Variants in ULK4 observed in about 807,000 individuals in gnomAD.
ULK4 encodes unc-51 like kinase 4, also known as inactive serine/threonine-protein kinase ULK4.
In ULK4, 133 loss-of-function variants were observed where a neutral mutation model predicts 160.6. The ratio of observed to expected loss-of-function variants is 0.83; its 90% CI spans 0.72 to 0.96. The LOEUF is 0.96. Ranked by LOEUF, ULK4 falls within the 40% of genes least tolerant of loss-of-function variation. ULK4 has a pLI of 0.00. For missense variants in ULK4, 1,580 were observed against 1,499.5 expected (o/e 1.05, Z -0.89); for synonymous variants, 534 against 539.8 (o/e 0.99, Z 0.15).
chr3:41,380,389 T>G (rs1038125836), intron 35 of ULK4, among the ~76,000 whole-genome samples: 13 of 152,154 alleles, frequency 8.5e-5, no homozygotes, highest in African/African-American at 3.1e-4. Context: ...CAAGAAAGTT[T>G]AGAATCACTG....
intron 35 of ULK4, among the ~76,000 whole-genome samples, chr3:41,376,129 A>G (rs2081487028): frequency 6.7e-6 from 1 of 150,358 alleles, no homozygotes; most frequent in African/African-American, 2.5e-5. Flanking sequence ...AAAGTCAGAA[A>G]ACAACAGATG....
At chr3:41,650,293 G>A (rs562560684) in intron 30 of ULK4, among the ~76,000 whole-genome samples, 1 of 152,262 alleles carries the variant, frequency 6.6e-6, no homozygotes, top group East Asian at 1.9e-4. Context: ...CACAAACAGG[G>A]CTGAAACACA....
chr3:41,439,865 T>C (rs1009810095), intron 34 of ULK4, among the ~76,000 whole-genome samples: 5 of 152,202 alleles, frequency 3.3e-5, no homozygotes, highest in Admixed American at 2.6e-4. Flanking sequence ...GAACCAGGTA[T>C]ATCTCTCCAC....
chr3:41,385,555 T>C (rs997461842), intron 35 of ULK4, among the ~76,000 whole-genome samples: 4 of 151,962 alleles, frequency 2.6e-5, no homozygotes, highest in African/African-American at 7.3e-5. Flanking sequence ...AAAAATCATA[T>C]CACAACTTGG....
chr3:41,836,044 G>A, intron 17 of ULK4, 73 bp from the exon 18 acceptor site: 1 of 1,029,248 alleles, frequency 9.7e-7, no homozygotes, highest in African/African-American at 1.7e-5. Context: ...TATGTAAAAA[G>A]CAGGATACCC....
At chr3:41,719,413 A>G (rs978694176) in intron 22 of ULK4, among the ~76,000 whole-genome samples, 1 of 152,210 alleles carries the variant, frequency 6.6e-6, no homozygotes, top group Non-Finnish European at 1.5e-5. Context: ...TTGACTTGAC[A>G]TCTGATTTTA....
intron 35 of ULK4, among the ~76,000 whole-genome samples, chr3:41,374,294 AGCATC>A (rs2081432114): frequency 6.6e-6 from 1 of 152,206 alleles, no homozygotes; most frequent in Non-Finnish European, 1.5e-5. Context: ...TTATAAGGCC[AGCATC>A]ATCCTGATAC....
At position 41,929,980 on chromosome 3, in the gene ULK4, A is replaced by T. The variant is rs528916475; in HGVS notation, c.541+1864T>A. On this transcript the variant is annotated intron_variant, in intron 5 of 36. Coordinates refer to ENST00000301831, the MANE Select transcript of ULK4 (RefSeq NM_017886.4). ...ATTGACTTTCTTCACAGAATTGGAA[A>T]AAACTACTTTAAATTTCATATGGAA... Among the ~76,000 whole-genome samples the T allele has an allele frequency of 3.3e-5, 5 of 152,338 alleles. No individual in the cohort carries two copies. The South Asian group carries it at 1.0e-3, about 32-fold the overall frequency.
At chr3:41,618,025 A>C (rs2033062417) in intron 30 of ULK4, among the ~76,000 whole-genome samples, 1 of 152,188 alleles carries the variant, frequency 6.6e-6, no homozygotes, top group Non-Finnish European at 1.5e-5. Flanking sequence ...AGTATATCAG[A>C]GATGGAAGAT....
chr3:41,676,084 C>A (rs763985316), intron 29 of ULK4, among the ~76,000 whole-genome samples: 6 of 152,096 alleles, frequency 3.9e-5, no homozygotes, highest in Non-Finnish European at 7.4e-5. Flanking sequence ...GAGCAGAGAA[C>A]CCACGGACAC....
At chr3:41,522,358 T>A (rs1472391856) in intron 32 of ULK4, among the ~76,000 whole-genome samples, 2 of 152,042 alleles carry the variant, frequency 1.3e-5, no homozygotes, top group East Asian at 3.9e-4. Flanking sequence ...CAGGCTGGTC[T>A]CAAACTCCTG....
intron 5 of ULK4, among the ~76,000 whole-genome samples, chr3:41,926,396 C>T (rs1032408731): frequency 8.5e-5 from 13 of 152,122 alleles, no homozygotes; most frequent in African/African-American, 3.1e-4. Context: ...GGAGAGAAAC[C>T]AGCACAAAAA....
chr3:41,292,122 C>T (rs1055662584), intron 35 of ULK4, among the ~76,000 whole-genome samples: 4 of 152,034 alleles, frequency 2.6e-5, no homozygotes, highest in Non-Finnish European at 5.9e-5. Context: ...CATGAGCCAC[C>T]GCGCCCGGCC....
At chr3:41,470,081 T>G (rs1289043284) in intron 32 of ULK4, among the ~76,000 whole-genome samples, 1 of 134,088 alleles carries the variant, frequency 7.5e-6, no homozygotes, top group Non-Finnish European at 1.6e-5. Flanking sequence ...GGCTGAAAAC[T>G]TCTTTTAATT....
intron 18 of ULK4, among the ~76,000 whole-genome samples, chr3:41,826,610 T>A: frequency 6.9e-6 from 1 of 145,962 alleles, no homozygotes; most frequent in African/African-American, 2.7e-5. Context: ...AAGAGCTAAC[T>A]ATCCTAAATA....
intron 17 of ULK4, among the ~76,000 whole-genome samples, chr3:41,857,873 T>C (rs1052568818): frequency 1.3e-5 from 2 of 152,144 alleles, no homozygotes; most frequent in Non-Finnish European, 1.5e-5. Flanking sequence ...TGGCTAAAGT[T>C]TGTCATTTTG....
intron 17 of ULK4, among the ~76,000 whole-genome samples, chr3:41,849,631 T>C (rs2042160320): frequency 6.6e-6 from 1 of 152,180 alleles, no homozygotes; most frequent in African/African-American, 2.4e-5. Context: ...CAAAGCATAA[T>C]GTAAACTACA....
intron 27 of ULK4, among the ~76,000 whole-genome samples, chr3:41,691,336 A>C (rs2036290852): frequency 6.6e-6 from 1 of 151,890 alleles, no homozygotes; most frequent in Non-Finnish European, 1.5e-5. Context: ...ATAAAGCCCC[A>C]AGTCCAAGGT....
chr3:41,735,960 C>T (rs1326971498), intron 22 of ULK4, among the ~76,000 whole-genome samples: 12 of 149,604 alleles, frequency 8.0e-5, no homozygotes, highest in Non-Finnish European at 1.2e-4. Context: ...TTTGTCCTTG[C>T]GATAGTTTGC....
Sources: gnomAD v4.1 joint callset for allele counts (sites outside exome capture counted in the v4.1 genomes callset) on GRCh38, gnomAD v4.1.1 for gene constraint, MANE v1.5 for transcripts, NCBI Gene and HGNC (gene_info 2026-07-23, HGNC 2026-07-21) for gene names.